The following CACNA2D1 variants were observed in gnomAD, a reference collection of about 807,000 sequenced individuals.
CACNA2D1 encodes the protein voltage-dependent calcium channel subunit alpha-2/delta-1.
In CACNA2D1, 53 loss-of-function variants were observed where a neutral mutation model predicts 171.5. The ratio of observed to expected loss-of-function variants is 0.31; its 90% CI spans 0.25 to 0.39. The LOEUF is 0.39. Ranked by LOEUF, CACNA2D1 falls within the 10% of genes least tolerant of loss-of-function variation. The pLI, the probability that CACNA2D1 is intolerant of heterozygous loss-of-function variation, is 1.00. For synonymous variants in CACNA2D1, 442 were observed against 443.1 expected (o/e 1.00, Z 0.03); for missense variants, 903 against 1,299.8 (o/e 0.69, Z 4.69).
intron 3 of CACNA2D1, among the ~76,000 whole-genome samples, chr7:82,292,631 T>G (rs1471522565): frequency 6.6e-6 from 1 of 152,162 alleles, no homozygotes; most frequent in East Asian, 1.9e-4. Flanking sequence ...AAAAGTCTAC[T>G]GCCTTTTTGA....
At chr7:82,247,707 A>G (rs1462796865) in intron 3 of CACNA2D1, among the ~76,000 whole-genome samples, 1 of 152,216 alleles carries the variant, frequency 6.6e-6, no homozygotes, top group African/African-American at 2.4e-5. Flanking sequence ...AAGAGCCTCC[A>G]TAATAATTTT....
chr7:82,131,992 C>CT (rs200720359), intron 5 of CACNA2D1, among the ~76,000 whole-genome samples: 2 of 151,982 alleles, frequency 1.3e-5, no homozygotes, highest in African/African-American at 4.8e-5. Context: ...AAGTAACAAT[C>CT]TTTTTTTAAA....
intron 1 of CACNA2D1, 54 bp from the exon 2 acceptor site, chr7:82,349,703 A>G: frequency 7.6e-7 from 1 of 1,320,858 alleles, no homozygotes. Flanking sequence ...AATAAAAGTC[A>G]CATGCTGATA....
At chr7:82,253,111 G>A (rs1452342991) in intron 3 of CACNA2D1, among the ~76,000 whole-genome samples, 2 of 152,228 alleles carry the variant, frequency 1.3e-5, no homozygotes, top group South Asian at 2.1e-4. Context: ...ATTATAGAGA[G>A]GAATGGCTGG....
intron 15 of CACNA2D1, among the ~76,000 whole-genome samples, chr7:82,010,760 A>T (rs913366758): frequency 1.3e-4 from 20 of 152,260 alleles, no homozygotes; most frequent in Non-Finnish European, 2.5e-4. Context: ...AACTTCCTGT[A>T]TATGTTTATT....
intron 3 of CACNA2D1, among the ~76,000 whole-genome samples, chr7:82,220,609 A>G (rs749754815): frequency 3.3e-5 from 5 of 152,168 alleles, no homozygotes; most frequent in Admixed American, 1.3e-4. Context: ...TCATATGAGT[A>G]ATAATATATT....
chr7:82,383,331 C>A (rs1337308021), intron 1 of CACNA2D1, among the ~76,000 whole-genome samples: 1 of 152,146 alleles, frequency 6.6e-6, no homozygotes, highest in Non-Finnish European at 1.5e-5. Flanking sequence ...CCAGCGGTAC[C>A]ACTGCCACTC....
At chr7:82,042,236 G>A (rs1804052525) in intron 10 of CACNA2D1, among the ~76,000 whole-genome samples, 1 of 152,122 alleles carries the variant, frequency 6.6e-6, no homozygotes, top group African/African-American at 2.4e-5. Flanking sequence ...AGATATCTTA[G>A]ACTCATCAGC....
chr7:82,044,791 T>G (rs149976930), intron 10 of CACNA2D1, among the ~76,000 whole-genome samples: 1 of 152,192 alleles, frequency 6.6e-6, no homozygotes, highest in Non-Finnish European at 1.5e-5. Context: ...TAAAAAACTT[T>G]CAAAATTTAT....
At chr7:82,027,401 C>A (rs1802071057) in intron 12 of CACNA2D1, among the ~76,000 whole-genome samples, 1 of 151,618 alleles carries the variant, frequency 6.6e-6, no homozygotes, top group African/African-American at 2.4e-5. Context: ...GCAATGTTTC[C>A]AGAAATTAAT....
chr7:81,990,844 TTTAG>T (rs1225967985), intron 21 of CACNA2D1, among the ~76,000 whole-genome samples: 9 of 152,160 alleles, frequency 5.9e-5, no homozygotes, highest in African/African-American at 1.7e-4. Flanking sequence ...AGCTTTATAT[TTTAG>T]TTAGTTTTCA....
intron 1 of CACNA2D1, among the ~76,000 whole-genome samples, chr7:82,407,013 T>C (rs1037170315): frequency 6.6e-6 from 1 of 152,224 alleles, no homozygotes; most frequent in Non-Finnish European, 1.5e-5. Flanking sequence ...CCCTACTTAC[T>C]ACCCCTCTAT....
At chr7:82,082,438 T>C (rs1055974499) in intron 7 of CACNA2D1, among the ~76,000 whole-genome samples, 2 of 152,106 alleles carry the variant, frequency 1.3e-5, no homozygotes, top group Non-Finnish European at 2.9e-5. Context: ...GGGGCTTTTA[T>C]GGACTCAGAA....
chr7:82,249,903 G>A (rs1309548320), intron 3 of CACNA2D1, among the ~76,000 whole-genome samples: 4 of 152,204 alleles, frequency 2.6e-5, no homozygotes, highest in Non-Finnish European at 4.4e-5. Flanking sequence ...TTGGTGAGTA[G>A]GTGTCTTAGT....
intron 3 of CACNA2D1, among the ~76,000 whole-genome samples, chr7:82,246,371 A>G (rs1043952264): frequency 1.3e-5 from 2 of 152,140 alleles, no homozygotes; most frequent in Non-Finnish European, 2.9e-5. Context: ...CATCTCAATA[A>G]ATATCTGGCA....
intron 16 of CACNA2D1, 81 bp from the exon 17 acceptor site, chr7:82,005,920 C>T (rs1339676320): frequency 3.5e-6 from 3 of 852,712 alleles, no homozygotes; most frequent in Non-Finnish European, 6.1e-6. Context: ...TCATCTTTTG[C>T]TTGCATTATG....
chr7:82,066,314 C>A, intron 8 of CACNA2D1, 141 bp downstream of exon 8: 1 of 1,126,204 alleles, frequency 8.9e-7, no homozygotes. Flanking sequence ...TTACCTTTAC[C>A]TATATTTACT....
chr7:82,109,077 T>C (rs1255509261), intron 6 of CACNA2D1, among the ~76,000 whole-genome samples: 1 of 152,064 alleles, frequency 6.6e-6, no homozygotes, highest in Non-Finnish European at 1.5e-5. Flanking sequence ...AATAGCTCTT[T>C]AAAAGAAAAA....
At chr7:82,321,273 C>T (rs991694142) in intron 3 of CACNA2D1, among the ~76,000 whole-genome samples, 7 of 152,176 alleles carry the variant, frequency 4.6e-5, no homozygotes, top group African/African-American at 1.4e-4. Flanking sequence ...GTGGTGCGCG[C>T]TTGTAACCCC....
Sources: allele counts gnomAD v4.1 joint callset (sites outside exome capture counted in the v4.1 genomes callset), GRCh38; gene constraint gnomAD v4.1.1; transcripts MANE v1.5; gene names NCBI Gene and HGNC (gene_info 2026-07-23, HGNC 2026-07-21).